The following GAD1 variants were observed in gnomAD, a reference collection of about 807,000 sequenced individuals.
The protein encoded by GAD1 is 67 kDa glutamic acid decarboxylase.
GAD1 carries 35 observed loss-of-function variants against 75.2 expected under a neutral mutation model. That is an observed-to-expected ratio of 0.47 (90% CI 0.36 to 0.62). The LOEUF (loss-of-function observed/expected upper bound fraction) is 0.62. Among genes scored for constraint, GAD1 ranks in the 20% least tolerant of loss-of-function variants. GAD1 has a pLI of 0.00. For missense variants in GAD1, 490 were observed against 758.5 expected (o/e 0.65, Z 4.16); for synonymous variants, 257 against 271.9 (o/e 0.95, Z 0.54).
rs781505345 is a variant in GAD1 at position 170,822,079 on chromosome 2, C to A, written c.83-8C>A. The A allele has an allele frequency of 1.2e-6, 2 of 1,605,852 alleles. No individual in the cohort carries two copies. Among genetic ancestry groups the A allele is most frequent in the East Asian group, 2.2e-5 (1 of 44,620 alleles). On this transcript the variant is annotated splice_polypyrimidine_tract_variant and splice_region_variant and intron_variant, in intron 2 of 16. Coordinates refer to ENST00000358196, the MANE Select transcript of GAD1 (RefSeq NM_000817.3). The stretch of plus-strand genomic sequence containing the variant: ...TAACCGAACCTCTCTCCCTCTCTCT[C>A]GTCCTAGCGTACGATACCTGGTGCG...
intron 5 of GAD1, among the ~76,000 whole-genome samples, chr2:170,832,660 GCGCGCACA>G (rs1190304281): frequency 2.0e-3 from 159 of 79,468 alleles, no homozygotes; most frequent in African/African-American, 5.9e-3. Context: ...ATGCGCGCGC[GCGCGCACA>G]CACACACACA....
intron 2 of GAD1, among the ~76,000 whole-genome samples, chr2:170,820,605 C>G (rs1419278956): frequency 1.3e-5 from 2 of 152,216 alleles, no homozygotes; most frequent in African/African-American, 4.8e-5. Flanking sequence ...TTCCAGAAAC[C>G]CTTGGGTGGG....
At chr2:170,842,728 C>A in intron 6 of GAD1, 1 of 1,586,320 alleles carries the variant, frequency 6.3e-7, no homozygotes, top group Non-Finnish European at 8.6e-7. Context: ...TGGACATATT[C>A]TTTTTGGAAA....
At chr2:170,836,508 A>G (rs553873628) in intron 5 of GAD1, among the ~76,000 whole-genome samples, 2 of 152,348 alleles carry the variant, frequency 1.3e-5, no homozygotes, top group African/African-American at 4.8e-5. Flanking sequence ...AAAACACATC[A>G]AAACACAAAA....
At position 170,853,601 on chromosome 2, in the gene GAD1, A is replaced by G. The variant is rs1208688100; in HGVS notation, c.1264-272A>G. 7.2e-6 allele frequency: 3 copies of G among 416,996 alleles called. No homozygotes were observed. The allele number at this position is 416,996 out of a possible 1,614,324, so 25.8% of individuals were successfully genotyped here. The stretch of plus-strand genomic sequence containing the variant: ...CGTAGCACTTCCCAATCTTGAAACA[A>G]TCCCAGACACCCATACACATTTCCC... On this transcript the variant is annotated intron_variant, in intron 13 of 16. Transcript: ENST00000358196. The surrounding 1 kb of genome is among the most constrained non-coding windows in gnomAD (Gnocchi z 4.1).
intron 5 of GAD1, among the ~76,000 whole-genome samples, chr2:170,832,437 C>T (rs1376157894): frequency 3.3e-5 from 5 of 152,134 alleles, no homozygotes; most frequent in Admixed American, 6.5e-5. Context: ...GAATGCCAGT[C>T]GTTGGATTAA....
At chr2:170,830,049 C>T (rs2241164) in intron 4 of GAD1, among the ~76,000 whole-genome samples, 97,150 of 151,990 alleles carry the variant, frequency 0.64, 31,233 homozygotes, top group Middle Eastern at 0.71. Context: ...TGTCCTGGAA[C>T]TTGTTTTCCT....
intron 4 of GAD1, chr2:170,829,992 A>G (rs1271519470): frequency 6.6e-6 from 2 of 305,318 alleles, no homozygotes; most frequent in Admixed American, 9.7e-5. Flanking sequence ...ACATACACAC[A>G]AAATCACACT....
At chr2:170,834,808 C>T (rs1295958891) in intron 5 of GAD1, among the ~76,000 whole-genome samples, 2 of 150,104 alleles carry the variant, frequency 1.3e-5, no homozygotes, top group East Asian at 3.9e-4. Flanking sequence ...TCTTGTTGCC[C>T]AAGCTGGAGT....
chr2:170,859,705 C>T lies in GAD1; in HGVS notation c.1612-4C>T. 6.2e-7 allele frequency: 1 copy of T among 1,614,072 alleles called. No individual in the cohort carries two copies. Among genetic ancestry groups the T allele is most frequent in the Non-Finnish European group, 8.5e-7 (1 of 1,179,968 alleles). The stretch of plus-strand genomic sequence containing the variant: ...GAGTTTTGTTTTGTGTTTTCCATCA[C>T]AAGGTGGCTCCAAAAATCAAAGCCC... On this transcript the variant is annotated splice_polypyrimidine_tract_variant and splice_region_variant and intron_variant, in intron 16 of 16. Transcript: ENST00000358196.
chr2:170,843,764 G>A (rs1183404103), intron 6 of GAD1: 5 of 423,550 alleles, frequency 1.2e-5, no homozygotes, highest in South Asian at 2.4e-5. Context: ...TATTCCTCTG[G>A]GTGGACCATG....
rs1702579765 is a variant in GAD1, at chr2:170,844,099, G to A, written c.693G>A (p.Lys231=). 6.2e-7 allele frequency: 1 copy of A among 1,611,708 alleles called. No individual in the cohort carries two copies. The highest frequency in any genetic ancestry group is 8.5e-7 in the Non-Finnish European group (1 of 1,177,886). ...VFVLMEQITL[K]KMREIVGWSS... is the part of the protein sequence containing the mutation. ...TCCTCATGGAACAAATAACACTTAA[G>A]AAGATGAGAGAGATAGTTGGATGGT... is the stretch of plus-strand genomic sequence containing the variant. The change falls in exon 7 of 17, where the codon AAG becomes AAA. Residue 231 remains lysine, a synonymous_variant. Coordinates refer to ENST00000358196, the MANE Select transcript of GAD1 (RefSeq NM_000817.3).
intron 3 of GAD1, among the ~76,000 whole-genome samples, chr2:170,824,995 A>T (rs1701990029): frequency 6.6e-6 from 1 of 152,012 alleles, no homozygotes; most frequent in Admixed American, 6.6e-5. Flanking sequence ...AACCTTAAAA[A>T]TAGAGAGATT....
At chr2:170,835,886 C>A (rs966931722) in intron 5 of GAD1, among the ~76,000 whole-genome samples, 5 of 151,914 alleles carry the variant, frequency 3.3e-5, no homozygotes, top group African/African-American at 1.2e-4. Flanking sequence ...AGAATATGGC[C>A]CCATACTTAA....
chr2:170,858,996 T>C, intron 16 of GAD1, 103 bp downstream of exon 16: 1 of 1,078,702 alleles, frequency 9.3e-7, no homozygotes. Flanking sequence ...ATATAAAAAA[T>C]AAAGCCTTGG....
intron 3 of GAD1, 157 bp from the exon 4 acceptor site, chr2:170,829,318 C>T (rs562427914): frequency 1.4e-5 from 11 of 796,338 alleles, no homozygotes; most frequent in East Asian, 2.6e-5. Flanking sequence ...TGCCTGAAGG[C>T]GAGCAGTGCC....
chr2:170,824,876 C>CT (rs1209909643), intron 3 of GAD1, among the ~76,000 whole-genome samples: 2 of 152,010 alleles, frequency 1.3e-5, no homozygotes, highest in African/African-American at 4.8e-5. Flanking sequence ...GCTTCCATCA[C>CT]TTATCTCTTG....
rs769392 is a variant in GAD1 at position 170,857,054 on chromosome 2, C to T, written c.1450C>T (p.Leu484=). The stretch of plus-strand genomic sequence containing the variant: ...ATTTGAAAACCAGATCAACAAATGC[C>T]TGGAACTGGCTGAATACCTCTATGC... ...VGFENQINKC[L]ELAEYLYAKI... is the part of the protein sequence containing the mutation. The change falls in exon 15 of 17, where the codon CTG becomes TTG. Residue 484 remains leucine, a synonymous_variant. Transcript: ENST00000358196. The T allele has an allele frequency of 7.0e-3, 11,279 of 1,613,908 alleles. 695 individuals carry two copies. The African/African-American group carries it at 0.13, about 19-fold the overall frequency.
At chr2:170,830,211 A>G (rs1311248516) in intron 4 of GAD1, among the ~76,000 whole-genome samples, 1 of 152,210 alleles carries the variant, frequency 6.6e-6, no homozygotes, top group Non-Finnish European at 1.5e-5. Context: ...AGAGTATTAA[A>G]CAATATGTCA....
Sources: allele counts gnomAD v4.1 joint callset (sites outside exome capture counted in the v4.1 genomes callset), GRCh38; gene constraint gnomAD v4.1.1; non-coding constraint Gnocchi (gnomAD v3.1); transcripts MANE v1.5; gene names NCBI Gene and HGNC (gene_info 2026-07-23, HGNC 2026-07-21).